Variants in CHD1L observed in about 807,000 individuals in gnomAD.
The protein encoded by CHD1L is ATP-dependent chromatin remodeler CHD1L.
Under a neutral mutation model 115.9 loss-of-function variants are expected in CHD1L, and 118 were observed. The ratio of observed to expected loss-of-function variants is 1.02; its 90% CI spans 0.88 to 1.19. CHD1L has a LOEUF of 1.19. Ranked by LOEUF, CHD1L falls within the 50% of genes most tolerant of loss-of-function variation. The pLI, the probability that CHD1L is intolerant of heterozygous loss-of-function variation, is 0.00. For synonymous variants in CHD1L, 411 were observed against 387.1 expected (o/e 1.06, Z -0.72); for missense variants, 1,179 against 1,065.3 (o/e 1.11, Z -1.49).
rs782460785 is a variant in CHD1L at position 147,279,417 on chromosome 1, A to T, written c.1540-609A>T. 2.6e-5 allele frequency among the ~76,000 whole-genome samples: 4 copies of T among 152,318 alleles called. No individual in the cohort carries two copies. In the South Asian group the frequency reaches 8.3e-4, roughly 32 times the overall value. On this transcript the variant is annotated intron_variant, in intron 14 of 22. Transcript: ENST00000369258. ...GAGTACTCCAGAGAGGGACGAGAGA[A>T]GAGAAGCAGGATAGTGCAATGCCAG...
At chr1:147,204,890 G>T in the CHD1L span, 1 of 1,586,016 alleles carries the variant, frequency 6.3e-7, no homozygotes, top group Non-Finnish European at 8.7e-7. Flanking sequence ...CCCTCCTTGA[G>T]CATCTGGGCG....
chr1:147,241,982 C>T (rs1553931172), upstream of CHD1L, among the ~76,000 whole-genome samples: 1 of 151,990 alleles, frequency 6.6e-6, no homozygotes, highest in Non-Finnish European at 1.5e-5. Context: ...AGGACACCAC[C>T]CAGAACTTCA....
At chr1:147,275,720 T>C (rs1678138232) in intron 13 of CHD1L, among the ~76,000 whole-genome samples, 2 of 151,044 alleles carry the variant, frequency 1.3e-5, no homozygotes, top group African/African-American at 4.9e-5. Flanking sequence ...ATTTAACTCA[T>C]CCTTCTTGAG....
rs782474016 is a variant in CHD1L at position 147,285,362 on chromosome 1, G to A, written c.1893G>A (p.Arg631=). The change falls in exon 17 of 23, where the codon AGG becomes AGA. Residue 631 remains arginine, a synonymous_variant. Transcript: ENST00000369258. The part of the protein sequence containing the change: ...IPGLVEGSTK[R]KRVLSPEELE... ...GCCTTGTGGAGGGATCTACCAAAAG[G>A]AAGCGGGTTCTGAGTCCAGAAGAGC... 3.7e-6 allele frequency: 6 copies of A among 1,613,962 alleles called. No individual in the cohort carries two copies. Among genetic ancestry groups the A allele is most frequent in the Non-Finnish European group, 5.1e-6 (6 of 1,179,946 alleles).
At position 147,242,763 on chromosome 1, in the gene CHD1L, T is replaced by C. The variant is rs1665119896; in HGVS notation, c.60T>C (p.Leu20=). The C allele has an allele frequency of 2.4e-6, 3 of 1,268,842 alleles. No individual in the cohort carries two copies. The highest frequency in any genetic ancestry group is 3.0e-6 in the Non-Finnish European group (3 of 1,000,102). The allele number at this position is 1,268,842 out of a possible 1,614,324, so 78.6% of individuals were successfully genotyped here. The change falls in exon 1 of 23, where the codon CTT becomes CTC. Residue 20 remains leucine (L), a synonymous_variant. Transcript: ENST00000369258. ...GGQAPGFLLR[L]HTEGRAEAAR... ...AAGCCCCTGGCTTCTTACTGCGGCTTCATACTGAGGGCCGAGCCGAGGCGG... is the reference window on the plus strand; with the variant it reads ...AAGCCCCTGGCTTCTTACTGCGGCTCCATACTGAGGGCCGAGCCGAGGCGG...
intron 3 of CHD1L, 141 bp from the exon 4 acceptor site, chr1:147,255,672 T>G (rs797025939): frequency 1.5e-4 from 80 of 523,920 alleles, no homozygotes; most frequent in African/African-American, 1.5e-3. Context: ...TAGATAAGAT[T>G]CAGAGCCCCA....
intron 5 of CHD1L, among the ~76,000 whole-genome samples, chr1:147,258,432 G>A (rs1670822691): frequency 6.6e-6 from 1 of 152,186 alleles, no homozygotes; most frequent in South Asian, 2.1e-4. Flanking sequence ...TGTTTTGAAA[G>A]CTAATTCAGA....
chr1:147,233,930 C>A, the CHD1L span, among the ~76,000 whole-genome samples: 2 of 151,960 alleles, frequency 1.3e-5, no homozygotes, highest in African/African-American at 4.8e-5. Context: ...ACTCCCTAAT[C>A]TCAAGTACCC....
chr1:147,230,130 G>A, the CHD1L span, among the ~76,000 whole-genome samples: 4 of 93,358 alleles, frequency 4.3e-5, 1 homozygote, highest in Non-Finnish European at 7.4e-5. Flanking sequence ...CATTCAGTGC[G>A]ATATTGGCTG....
intron 8 of CHD1L, 143 bp downstream of exon 8, chr1:147,266,230 G>A: frequency 1.3e-6 from 1 of 753,648 alleles, no homozygotes; most frequent in Non-Finnish European, 2.0e-6. Context: ...GTCGGCTACA[G>A]TGGGACTGTG....
At chr1:147,284,789 A>G (rs1047721038) in intron 16 of CHD1L, among the ~76,000 whole-genome samples, 2 of 152,162 alleles carry the variant, frequency 1.3e-5, no homozygotes, top group African/African-American at 2.4e-5. Flanking sequence ...CCAAAATACC[A>G]TATCCTGCTG....
Position 147,294,511 on chromosome 1 carries a change from C to T in CHD1L, c.2609C>T (p.Thr870Ile), listed in dbSNP as rs1553974755. Reference sequence around the variant, plus strand: ...CATCTGGCTGCAAGAGGCATCCCAACTTACATGTATCCTTTTGTGATCTTC... The same window carrying T: ...CATCTGGCTGCAAGAGGCATCCCAATTTACATGTATCCTTTTGTGATCTTC... ...RKHLAARGIP[T>I]YIYYFPRSKS... The change falls in exon 22 of 23, where the codon ACT becomes ATT. Residue 870 changes from threonine to isoleucine, a missense_variant. Physicochemically the swap from Thr to Ile is moderately conservative, Grantham distance 89. Coordinates refer to ENST00000369258, the MANE Select transcript of CHD1L (RefSeq NM_004284.6). 4 of 1,610,188 alleles carry T rather than the reference C, an allele frequency of 2.5e-6. No homozygotes were observed. Among genetic ancestry groups the T allele is most frequent in the African/African-American group, 2.7e-5 (2 of 74,792 alleles).
At chr1:147,180,989 A>G in the CHD1L span, among the ~76,000 whole-genome samples, 1 of 152,240 alleles carries the variant, frequency 6.6e-6, no homozygotes, top group Non-Finnish European at 1.5e-5. Flanking sequence ...ACAAGGGTCT[A>G]GAGACGAGTA....
intron 9 of CHD1L, among the ~76,000 whole-genome samples, chr1:147,268,423 C>CT (rs1227609113): frequency 2.6e-5 from 4 of 152,096 alleles, no homozygotes; most frequent in East Asian, 1.9e-4. Flanking sequence ...CATATGAGAA[C>CT]TTTTTTTAAG....
the CHD1L span, among the ~76,000 whole-genome samples, chr1:147,220,073 C>T: frequency 3.3e-5 from 5 of 151,950 alleles, no homozygotes; most frequent in South Asian, 6.2e-4. Flanking sequence ...CTCCTGACCT[C>T]GTGATCCACC....
At chr1:147,182,791 C>T in the CHD1L span, among the ~76,000 whole-genome samples, 1 of 152,112 alleles carries the variant, frequency 6.6e-6, no homozygotes, top group Non-Finnish European at 1.5e-5. Context: ...ATATATATAC[C>T]CTACCTTCTT....
the CHD1L span, among the ~76,000 whole-genome samples, chr1:147,206,244 G>A: frequency 2.1e-3 from 322 of 151,418 alleles, 3 homozygotes; most frequent in Admixed American, 4.8e-3. Context: ...TTAGAATGGC[G>A]ATCATTAAAA....
chr1:147,203,802 GAAGTACT>G, the CHD1L span: 5 of 1,546,598 alleles, frequency 3.2e-6, no homozygotes, highest in Non-Finnish European at 3.6e-6. Context: ...GTAGAGCCCC[GAAGTACT>G]ATGGTAGAAA....
At chr1:147,218,929 A>C in the CHD1L span, among the ~76,000 whole-genome samples, 16 of 152,184 alleles carry the variant, frequency 1.1e-4, 1 homozygote, top group African/African-American at 3.9e-4. Flanking sequence ...CCAAGCTCCC[A>C]AAACTCTCTG....
Sources: gnomAD v4.1 joint callset for allele counts (sites outside exome capture counted in the v4.1 genomes callset) on GRCh38, gnomAD v4.1.1 for gene constraint, MANE v1.5 for transcripts, NCBI Gene and HGNC (gene_info 2026-07-23, HGNC 2026-07-21) for gene names.